LUC7L3: variants seen among roughly 807,000 people sequenced by gnomAD.
LUC7L3 encodes the protein luc7-like protein 3.
In LUC7L3, 6 loss-of-function variants were observed where a neutral mutation model predicts 66.8. The observed-to-expected ratio is 0.09, with a 90% CI of 0.05 to 0.18. The LOEUF (loss-of-function observed/expected upper bound fraction) is 0.18. Among genes scored for constraint, LUC7L3 ranks in the 10% least tolerant of loss-of-function variants. The probability of loss-of-function intolerance (pLI) is 1.00; values close to 1 mark genes in which losing one functional copy is unlikely to be tolerated. For missense variants in LUC7L3, 341 were observed against 531.1 expected, an observed-to-expected ratio of 0.64 and a Z score of 3.52; for synonymous variants, 160 against 174.7, an observed-to-expected ratio of 0.92 and a Z score of 0.66.
At chr17:50,746,838 G>C (rs1970698652) in intron 9 of LUC7L3, 136 bp downstream of exon 9, 1 of 638,948 alleles carries the variant, frequency 1.6e-6, no homozygotes, top group Non-Finnish European at 2.5e-6. Flanking sequence ...TTCAGTAGGA[G>C]ACAGGCATTC....
At chr17:50,738,242 C>T (rs1235630145) in intron 2 of LUC7L3, 2 of 409,052 alleles carry the variant, frequency 4.9e-6, no homozygotes, top group Admixed American at 3.0e-5. Context: ...GTCTTACTGC[C>T]TGATTTTCCT....
At position 50,750,520 on chromosome 17, in the gene LUC7L3, TAAAA is replaced by T; in HGVS notation, c.1162_1165del (p.Lys388ValfsTer3). 6.2e-7 allele frequency: 1 copy of T among 1,613,636 alleles called. No homozygotes were observed. The highest frequency in any genetic ancestry group is 8.5e-7 in the Non-Finnish European group (1 of 1,179,794). On this transcript the variant is annotated frameshift_variant, in exon 10 of 10. Transcript: ENST00000505658. LOFTEE classifies it high-confidence loss of function. ...TGGCAGAAAAGAGGGGATCTGATGA[TAAAA>T]AAAGTAGTGTGAAGTCCGGTAGTCG...
At chr17:50,729,942 A>ATATATG (rs1969472661) in intron 1 of LUC7L3, among the ~76,000 whole-genome samples, 9 of 30,820 alleles carry the variant, frequency 2.9e-4, no homozygotes, top group African/African-American at 9.0e-4. Context: ...ATATATATAT[A>ATATATG]TATGTATGTA....
chr17:50,744,030 A>G (rs978282156), intron 6 of LUC7L3, among the ~76,000 whole-genome samples: 1 of 152,240 alleles, frequency 6.6e-6, no homozygotes, highest in African/African-American at 2.4e-5. Flanking sequence ...TCCCAATAAA[A>G]TGTTAGCAAA....
intron 1 of LUC7L3, among the ~76,000 whole-genome samples, chr17:50,729,940 A>ATATATG (rs1567860659): frequency 3.5e-5 from 1 of 28,402 alleles, no homozygotes; most frequent in African/African-American, 1.3e-4. Flanking sequence ...ATATATATAT[A>ATATATG]TATATGTATG....
chr17:50,733,559 G>T (rs1278202011), intron 1 of LUC7L3, among the ~76,000 whole-genome samples: 1 of 151,882 alleles, frequency 6.6e-6, no homozygotes, highest in Non-Finnish European at 1.5e-5. Context: ...CCGCTACCAC[G>T]CCTGGCTAAT....
intron 1 of LUC7L3, among the ~76,000 whole-genome samples, chr17:50,733,094 G>A (rs1221997442): frequency 1.3e-5 from 2 of 151,966 alleles, no homozygotes; most frequent in East Asian, 3.8e-4. Context: ...CACTTAAATT[G>A]GTCATGAGGC....
At position 50,740,328 on chromosome 17, in the gene LUC7L3, T is replaced by A; in HGVS notation, c.189T>A (p.Asp63Glu). The A allele has an allele frequency of 6.2e-7, 1 of 1,607,532 alleles. No individual in the cohort carries two copies. The highest frequency in any genetic ancestry group is 8.5e-7 in the Non-Finnish European group (1 of 1,177,590). ...SDLGPCEKIH[D>E]ENLRKQYEKS... The stretch of plus-strand genomic sequence containing the variant: ...CAGGTCCGTGTGAAAAAATTCATGA[T>A]GAAAATCTACGAAAACAGTAAGTTA... The change falls in exon 3 of 10, where the codon GAT becomes GAA. Residue 63 changes from aspartate to glutamate, a missense_variant. Physicochemically the swap from Asp to Glu is conservative, Grantham distance 45. Transcript: ENST00000505658.
At chr17:50,729,108 T>A (rs1427856142) in intron 1 of LUC7L3, among the ~76,000 whole-genome samples, 3 of 152,136 alleles carry the variant, frequency 2.0e-5, no homozygotes, top group African/African-American at 7.2e-5. Context: ...TACAGAAACA[T>A]AACTAAAAAG....
chr17:50,747,551 C>A (rs1380907895), intron 9 of LUC7L3, among the ~76,000 whole-genome samples: 1 of 152,016 alleles, frequency 6.6e-6, no homozygotes, highest in Non-Finnish European at 1.5e-5. Flanking sequence ...TTTCATTCTA[C>A]CTGTCTCCAT....
At chr17:50,736,462 C>T (rs1485640450) in intron 1 of LUC7L3, among the ~76,000 whole-genome samples, 1 of 152,180 alleles carries the variant, frequency 6.6e-6, no homozygotes, top group African/African-American at 2.4e-5. Context: ...AGGCATGGTG[C>T]TTGCACCTGT....
chr17:50,724,913 C>T (rs1208007518), intron 1 of LUC7L3, among the ~76,000 whole-genome samples: 1 of 151,762 alleles, frequency 6.6e-6, no homozygotes, highest in Non-Finnish European at 1.5e-5. Flanking sequence ...AGGTGCATGC[C>T]ACCATGCCTG....
At chr17:50,748,225 G>T (rs552066772) in intron 9 of LUC7L3, among the ~76,000 whole-genome samples, 1 of 152,134 alleles carries the variant, frequency 6.6e-6, no homozygotes, top group Non-Finnish European at 1.5e-5. Flanking sequence ...CTAAAAACAG[G>T]CATATTTGTG....
rs1022961087 is a variant in LUC7L3, at chr17:50,741,586, T to C, written c.352-71T>C. On this transcript the variant is annotated intron_variant, in intron 4 of 9. Coordinates refer to ENST00000505658, the MANE Select transcript of LUC7L3 (RefSeq NM_016424.5). ...AATTATTAAATAGAAATATTATGTA[T>C]GGTATGTGCAAGTTTGCATGTTTAT... 4.8e-6 allele frequency: 4 copies of C among 835,888 alleles called. No homozygotes were observed. In the African/African-American group the frequency reaches 6.9e-5, roughly 14 times the overall value. 51.8% of individuals were successfully genotyped at this position (835,888 alleles called of 1,614,324 possible). A position where few individuals can be genotyped will look rare whatever the true frequency, so the allele number is the denominator to read the frequency against.
rs71149308 is a variant in LUC7L3, at chr17:50,756,213, GAA to G, written c.*5557_*5558del. On this transcript the variant is annotated 3_prime_UTR_variant, in exon 10 of 10. Coordinates refer to ENST00000505658, the MANE Select transcript of LUC7L3 (RefSeq NM_016424.5). ...TAATAAAATTTAAAAAGAAGAATGG[GAA>G]AAAAGTCTTGGTGTAGGTAGTTACT... 6.6e-6 allele frequency: 1 copy of G among 151,980 alleles called. No individual in the cohort carries two copies. The highest frequency in any genetic ancestry group is 6.6e-5 in the Admixed American group (1 of 15,260). 9.4% of individuals were successfully genotyped at this position (151,980 alleles called of 1,614,324 possible).
Position 50,751,448 on chromosome 17 carries a change from C to CT in LUC7L3, c.*793dup, listed in dbSNP as rs546024412. 1,590 of 1,252,872 alleles carry CT rather than the reference C, an allele frequency of 1.3e-3. 3 individuals are homozygous for CT. The highest frequency in any genetic ancestry group is 1.6e-3 in the Non-Finnish European group (1,537 of 967,506). The allele number at this position is 1,252,872 out of a possible 1,614,324, so 77.6% of individuals were successfully genotyped here. The stretch of plus-strand genomic sequence containing the variant: ...ATCTTTACGCTTAACTGTTGTGTAT[C>CT]TTTTTTGTTCTTTACAAGAAGTGCA... On this transcript the variant is annotated 3_prime_UTR_variant, in exon 10 of 10. Transcript: ENST00000505658.
rs780456867 is a variant in LUC7L3, at chr17:50,749,215, A to G, written c.1139-1286A>G. On this transcript the variant is annotated intron_variant, in intron 9 of 9. Transcript: ENST00000505658. Reference sequence around the variant, plus strand: ...GACTATTAAGATCTACCATATTTACATAGGGCAGAAGATAAGATTATTGGA... The same window carrying G: ...GACTATTAAGATCTACCATATTTACGTAGGGCAGAAGATAAGATTATTGGA... The G allele has an allele frequency of 1.9e-5, 24 of 1,288,908 alleles. No homozygotes were observed. In the African/African-American group the frequency reaches 2.6e-4, roughly 14 times the overall value. 79.8% of individuals were successfully genotyped at this position (1,288,908 alleles called of 1,614,324 possible).
At chr17:50,741,804 G>T in intron 5 of LUC7L3, 73 bp downstream of exon 5, 2 of 1,154,326 alleles carry the variant, frequency 1.7e-6, no homozygotes, top group South Asian at 1.3e-5. Flanking sequence ...ACAAGGATGG[G>T]CCAGGCATGG....
intron 5 of LUC7L3, among the ~76,000 whole-genome samples, chr17:50,743,247 G>T (rs1237108807): frequency 6.6e-6 from 1 of 152,056 alleles, no homozygotes; most frequent in African/African-American, 2.4e-5. Flanking sequence ...CATCCAGGCT[G>T]GAGTGCAGTG....
Sources: gnomAD v4.1 joint callset for allele counts (sites outside exome capture counted in the v4.1 genomes callset) on GRCh38, gnomAD v4.1.1 for gene constraint, MANE v1.5 for transcripts, NCBI Gene and HGNC (gene_info 2026-07-23, HGNC 2026-07-21) for gene names.